Variants in LDB3 observed in about 807,000 individuals in gnomAD.
The protein encoded by LDB3 is LIM domain-binding protein 3.
LDB3 carries 49 observed loss-of-function variants against 69.0 expected under a neutral mutation model. The observed-to-expected ratio is 0.71, with a 90% CI of 0.56 to 0.90. The LOEUF (loss-of-function observed/expected upper bound fraction) is 0.90. Ranked by LOEUF, LDB3 falls within the 40% of genes least tolerant of loss-of-function variation. The pLI is 0.00. For synonymous variants in LDB3, 387 were observed against 396.2 expected (o/e 0.98, Z 0.28); for missense variants, 928 against 974.1 (o/e 0.95, Z 0.63).
intron 2 of LDB3, 144 bp from the exon 3 acceptor site, chr10:86,679,223 G>A: frequency 5.1e-6 from 5 of 971,602 alleles, no homozygotes; most frequent in Non-Finnish European, 6.4e-6. Context: ...ACTAGGCTTG[G>A]TTAGCAGCTG....
rs113632066 is a variant in LDB3 at position 86,686,655 on chromosome 10, GA to G, written c.689+4864del. On this transcript the variant is annotated intron_variant, in intron 5 of 13. Coordinates refer to ENST00000361373, the MANE Select transcript of LDB3 (RefSeq NM_007078.3). ...AACATCGTGAGACTCTGTCTTTACA[GA>G]AAAAAAAAAAATAGTGGCATATGCC... 8.3e-3 allele frequency among the ~76,000 whole-genome samples: 1,189 copies of G among 144,066 alleles called. 13 individuals carry two copies. The highest frequency in any genetic ancestry group is 0.026 in the African/African-American group (1,042 of 39,730). The allele number at this position is 144,066 out of a possible 152,430, so 94.5% of individuals were successfully genotyped here. A position where few individuals can be genotyped will look rare whatever the true frequency, so the allele number is the denominator to read the frequency against.
chr10:86,713,371 C>T (rs1490857136), intron 9 of LDB3, among the ~76,000 whole-genome samples: 4 of 151,950 alleles, frequency 2.6e-5, no homozygotes, highest in East Asian at 1.9e-4. Flanking sequence ...CTTAGCCTCC[C>T]GAGTAGCTGG....
Position 86,692,542 on chromosome 10 carries a change from C to T in LDB3, c.867C>T (p.Asp289=), listed in dbSNP as rs397517227. The part of the protein sequence containing the change: ...AQMTGTEFMQ[D]PDEEALRRSS... ...GCTCCTTTCTACCAACAGTGCAAGACCCTGATGAAGAAGCTCTGCGAAGGT... is the reference window on the plus strand; with the variant it reads ...GCTCCTTTCTACCAACAGTGCAAGATCCTGATGAAGAAGCTCTGCGAAGGT... Residue 289 remains aspartate, a synonymous_variant, in exon 7 of 14, where the codon GAC becomes GAT. Transcript: ENST00000361373. 1.9e-5 allele frequency: 31 copies of T among 1,614,182 alleles called. No homozygotes were observed. In the East Asian group the frequency reaches 6.2e-4, roughly 32 times the overall value.
At chr10:86,681,324 G>A in intron 4 of LDB3, 112 bp from the exon 5 acceptor site, 3 of 1,512,016 alleles carry the variant, frequency 2.0e-6, no homozygotes, top group African/African-American at 1.4e-5. Context: ...TGGGCTTCAG[G>A]CTGCGGGGCT....
In LDB3 at chr10:86,699,403, C is replaced by G; in HGVS notation, c.896+6832C>G. 2 of 1,613,048 alleles carry G rather than the reference C, an allele frequency of 1.2e-6. No homozygotes were observed. The highest frequency in any genetic ancestry group is 1.7e-6 in the Non-Finnish European group (2 of 1,179,650). On this transcript the variant is annotated intron_variant, in intron 7 of 13. Coordinates refer to ENST00000361373, the MANE Select transcript of LDB3 (RefSeq NM_007078.3). This position sits in a 1 kb window ranked among gnomAD's most constrained non-coding sequence, Gnocchi z 4.9. ...GCTGCCTGGAATCCCCCCACCCCAA[C>G]AGGCTGGACTCCCTCCATCCTTACC...
chr10:86,732,336 C>A (rs1847497059), intron 13 of LDB3: 1 of 359,096 alleles, frequency 2.8e-6, no homozygotes, highest in African/African-American at 2.1e-5. Context: ...TGTATATTTT[C>A]TCTATTCCAT....
In LDB3 at chr10:86,687,243, G is replaced by A. The variant is rs537783577; in HGVS notation, c.690-4653G>A. 272 of 1,614,184 alleles carry A rather than the reference G, an allele frequency of 1.7e-4. No homozygotes were observed. The South Asian group carries it at 2.8e-3, about 16-fold the overall frequency. On this transcript the variant is annotated intron_variant, in intron 5 of 13. Transcript: ENST00000361373. ...CCATCATGGATGCCATCGCTGGGCA[G>A]GCCCAAGCCCAAGGCAGTGACTTCA...
At chr10:86,713,070 A>ATG (rs1465181161) in intron 9 of LDB3, among the ~76,000 whole-genome samples, 11 of 150,934 alleles carry the variant, frequency 7.3e-5, no homozygotes, top group Non-Finnish European at 1.5e-4. Flanking sequence ...TCAAAAATAT[A>ATG]TATATATATA....
rs575103528 is a variant in LDB3 at position 86,681,325 on chromosome 10, C to T, written c.322-111C>T. 1.7e-5 allele frequency: 25 copies of T among 1,513,358 alleles called. No individual in the cohort carries two copies. The South Asian group carries it at 2.8e-4, about 17-fold the overall frequency. The allele number at this position is 1,513,358 out of a possible 1,614,324, so 93.7% of individuals were successfully genotyped here. ...GCGCCCAGGCGCTCTGGGCTTCAGGCTGCGGGGCTCGCGCTAACACATCTG... is the reference window on the plus strand; with the variant it reads ...GCGCCCAGGCGCTCTGGGCTTCAGGTTGCGGGGCTCGCGCTAACACATCTG... On this transcript the variant is annotated intron_variant, in intron 4 of 13. Coordinates refer to ENST00000361373, the MANE Select transcript of LDB3 (RefSeq NM_007078.3).
Position 86,699,610 on chromosome 10 carries a change from C to A in LDB3, c.897-6921C>A. 2 of 1,388,520 alleles carry A rather than the reference C, an allele frequency of 1.4e-6. No individual in the cohort carries two copies. The highest frequency in any genetic ancestry group is 1.9e-6 in the Non-Finnish European group (2 of 1,068,622). 86.0% of individuals were successfully genotyped at this position (1,388,520 alleles called of 1,614,324 possible). ...CTCCCCAGGGCAACCCTCGCCACCC[C>A]CCAAATAGCCCGTAGCCCAATCCCC... On this transcript the variant is annotated intron_variant, in intron 7 of 13. Coordinates refer to ENST00000361373, the MANE Select transcript of LDB3 (RefSeq NM_007078.3). This position sits in a 1 kb window ranked among gnomAD's most constrained non-coding sequence, Gnocchi z 4.9.
intron 12 of LDB3, among the ~76,000 whole-genome samples, chr10:86,721,603 C>T (rs577439760): frequency 6.6e-6 from 1 of 152,304 alleles, no homozygotes; most frequent in East Asian, 1.9e-4. Context: ...GGGTGCCCCA[C>T]CCTACCCAGG....
At chr10:86,705,305 G>A (rs1050371652) in intron 7 of LDB3, among the ~76,000 whole-genome samples, 16 of 152,158 alleles carry the variant, frequency 1.1e-4, no homozygotes, top group African/African-American at 3.9e-4. Context: ...ACATCAGAGG[G>A]CTGCTGTGAG....
intron 2 of LDB3, among the ~76,000 whole-genome samples, chr10:86,669,157 G>A (rs1377573992): frequency 6.6e-6 from 1 of 152,138 alleles, no homozygotes; most frequent in African/African-American, 2.4e-5. Context: ...CCTAGATATG[G>A]GCAGCTGCTT....
intron 7 of LDB3, among the ~76,000 whole-genome samples, chr10:86,700,984 G>A (rs1846238041): frequency 6.6e-6 from 1 of 152,228 alleles, no homozygotes; most frequent in Non-Finnish European, 1.5e-5. Context: ...CATTCCTGCT[G>A]CCTGGGCAGA....
intron 12 of LDB3, among the ~76,000 whole-genome samples, chr10:86,721,375 A>C (rs1391759758): frequency 6.6e-6 from 1 of 152,232 alleles, no homozygotes; most frequent in African/African-American, 2.4e-5. Context: ...TTGAGCCAGA[A>C]TGATAGGGTC....
At chr10:86,710,781 A>G (rs756198147) in intron 9 of LDB3, among the ~76,000 whole-genome samples, 1 of 152,204 alleles carries the variant, frequency 6.6e-6, no homozygotes, top group African/African-American at 2.4e-5. Flanking sequence ...TGGTTCATGA[A>G]GCTCGCTCTG....
At position 86,699,666 on chromosome 10, in the gene LDB3, CAG is replaced by C. The variant is rs537463729; in HGVS notation, c.897-6860_897-6859del. 3 of 1,273,792 alleles carry C rather than the reference CAG, an allele frequency of 2.4e-6. No individual in the cohort carries two copies. Among genetic ancestry groups the C allele is most frequent in the South Asian group, 1.6e-5 (1 of 60,644 alleles). 78.9% of individuals were successfully genotyped at this position (1,273,792 alleles called of 1,614,324 possible). ...TCTGCACAGGGCCTTAGCTGTAGAC[CAG>C]AGAGGGCAGGAGGGGTTTGCTGGCA... On this transcript the variant is annotated intron_variant, in intron 7 of 13. Coordinates refer to ENST00000361373, the MANE Select transcript of LDB3 (RefSeq NM_007078.3). This position sits in a 1 kb window ranked among gnomAD's most constrained non-coding sequence, Gnocchi z 4.9.
upstream of LDB3, among the ~76,000 whole-genome samples, chr10:86,667,549 C>A (rs1329551351): frequency 2.0e-5 from 3 of 152,238 alleles, no homozygotes; most frequent in Non-Finnish European, 4.4e-5. Flanking sequence ...CCCCTCCCTG[C>A]CCCTCCTGGC....
Position 86,699,700 on chromosome 10 carries a change from C to T in LDB3, c.897-6831C>T, listed in dbSNP as rs886047355. ...CAGGAGGGGTTTGCTGGCATAACAC[C>T]CCAGAACCAAGGGAAATGGATGGGC... On this transcript the variant is annotated intron_variant, in intron 7 of 13. Coordinates refer to ENST00000361373, the MANE Select transcript of LDB3 (RefSeq NM_007078.3). This position sits in a 1 kb window ranked among gnomAD's most constrained non-coding sequence, Gnocchi z 4.9. The T allele has an allele frequency of 1.3e-5, 16 of 1,187,874 alleles. No individual in the cohort carries two copies. Among genetic ancestry groups the T allele is most frequent in the East Asian group, 9.9e-5 (2 of 20,140 alleles). 73.6% of individuals were successfully genotyped at this position (1,187,874 alleles called of 1,614,324 possible). A position where few individuals can be genotyped will look rare whatever the true frequency, so the allele number is the denominator to read the frequency against.
Sources: allele counts gnomAD v4.1 joint callset (sites outside exome capture counted in the v4.1 genomes callset), GRCh38; gene constraint gnomAD v4.1.1; non-coding constraint Gnocchi (gnomAD v3.1); transcripts MANE v1.5; gene names NCBI Gene and HGNC (gene_info 2026-07-23, HGNC 2026-07-21).